GKN2: variants seen among roughly 807,000 people sequenced by gnomAD.
GKN2 encodes gastrokine 2.
A neutral mutation model predicts 22.7 loss-of-function variants in GKN2; 17 were observed. That is an observed-to-expected ratio of 0.75 (90% CI 0.51 to 1.13). The LOEUF is 1.13. Ranked by LOEUF, GKN2 falls within the 50% of genes most tolerant of loss-of-function variation. GKN2 has a pLI of 0.00. For missense variants in GKN2, 248 were observed against 221.4 expected (o/e 1.12, Z -0.76); for synonymous variants, 82 against 79.6 (o/e 1.03, Z -0.16).
At position 68,950,184 on chromosome 2, in the gene GKN2, G is replaced by C. The variant is rs1669834811; in HGVS notation, c.146C>G (p.Ala49Gly). The stretch of plus-strand genomic sequence containing the variant: ...TGATCCTGCATGGATGTTAATGATG[G>C]CGGTATTTTTTTCATTATCAATTGT... Reference protein sequence around the residue: ...TVTIDNEKNTAIINIHAGSCS... With the variant: ...TVTIDNEKNTGIINIHAGSCS... Residue 49 changes from alanine to glycine, a missense_variant, in exon 3 of 6, where the codon GCC becomes GGC. By Grantham distance (60) the Ala-to-Gly change is moderately conservative. Transcript: ENST00000328895. 1 of 1,613,762 alleles carries C rather than the reference G, an allele frequency of 6.2e-7. No individual in the cohort carries two copies. Among genetic ancestry groups the C allele is most frequent in the Non-Finnish European group, 8.5e-7 (1 of 1,179,694 alleles).
At chr2:68,948,116 G>T (rs1009129112) in intron 3 of GKN2, among the ~76,000 whole-genome samples, 7 of 151,628 alleles carry the variant, frequency 4.6e-5, no homozygotes, top group Non-Finnish European at 7.4e-5. Flanking sequence ...CGTGGTGGCG[G>T]GCACCTGTAG....
chr2:68,948,882 A>AT (rs554717217), intron 3 of GKN2, among the ~76,000 whole-genome samples: 75 of 151,530 alleles, frequency 4.9e-4, no homozygotes, highest in Middle Eastern at 6.8e-3. Context: ...TCACTTCTCC[A>AT]TTTTTTTTTA....
intron 3 of GKN2, among the ~76,000 whole-genome samples, chr2:68,947,550 C>T (rs1371037032): frequency 6.6e-6 from 1 of 152,094 alleles, no homozygotes; most frequent in Non-Finnish European, 1.5e-5. Flanking sequence ...TGAGAAGAAG[C>T]ACTACTCTGT....
At chr2:68,950,884 G>T in intron 1 of GKN2, 129 bp from the exon 2 acceptor site, 1 of 852,014 alleles carries the variant, frequency 1.2e-6, no homozygotes, top group African/African-American at 1.7e-5. Context: ...AGTGGCCACA[G>T]ATGGTCAGCA....
At chr2:68,946,557 T>A in intron 4 of GKN2, 97 bp from the exon 5 acceptor site, 4 of 1,044,942 alleles carry the variant, frequency 3.8e-6, no homozygotes, top group Non-Finnish European at 5.4e-6. Context: ...TTCAGATTAT[T>A]AAATAGAAAG....
At chr2:68,946,133 A>G (rs1669761255) in intron 5 of GKN2, 171 bp downstream of exon 5, 1 of 513,468 alleles carries the variant, frequency 1.9e-6, no homozygotes, top group East Asian at 3.1e-5. Flanking sequence ...TCATTTCTGT[A>G]TTCCTAAAAT....
chr2:68,952,761 A>G, intron 1 of GKN2, 89 bp downstream of exon 1: 1 of 1,373,754 alleles, frequency 7.3e-7, no homozygotes, highest in Non-Finnish European at 1.0e-6. Context: ...TATCTGTCTA[A>G]GACTCCCAAA....
chr2:68,950,687 A>G lies in GKN2; in HGVS notation c.66+15T>C. 1 of 1,612,376 alleles carries G rather than the reference A, an allele frequency of 6.2e-7. No individual in the cohort carries two copies. The highest frequency in any genetic ancestry group is 8.5e-7 in the Non-Finnish European group (1 of 1,178,388). The stretch of plus-strand genomic sequence containing the variant: ...AACATCTCTAAGAGATAAAGTCCAT[A>G]AGGAACCAACTCACCTCGTATCCAT... On this transcript the variant is annotated intron_variant, in intron 2 of 5. Transcript: ENST00000328895.
rs753909446 is a variant in GKN2, at chr2:68,950,713, G to A, written c.55C>T (p.His19Tyr). ...VVLTIFGIQS[H>Y]GYEVFNIISP... Reference sequence around the variant, plus strand: ...AGGAACCAACTCACCTCGTATCCATGAGATTGTATCCCAAAGATGGTCAGC... The same window carrying A: ...AGGAACCAACTCACCTCGTATCCATAAGATTGTATCCCAAAGATGGTCAGC... Residue 19 changes from histidine (H) to tyrosine (Y), a missense_variant, in exon 2 of 6, where the codon CAT (histidine) becomes TAT (tyrosine). His to Tyr is a moderately conservative substitution (Grantham distance 83). Transcript: ENST00000328895. 6.8e-6 allele frequency: 11 copies of A among 1,613,940 alleles called. No individual in the cohort carries two copies. The highest frequency in any genetic ancestry group is 2.7e-5 in the African/African-American group (2 of 74,902).
intron 3 of GKN2, among the ~76,000 whole-genome samples, chr2:68,947,985 C>G (rs1382811570): frequency 1.3e-5 from 2 of 151,850 alleles, no homozygotes; most frequent in African/African-American, 2.4e-5. Context: ...GTGGCTCACA[C>G]CTGTAATCCC....
chr2:68,950,806 T>G (rs1378363810), intron 1 of GKN2, 51 bp from the exon 2 acceptor site: 1 of 1,581,538 alleles, frequency 6.3e-7, no homozygotes, highest in Non-Finnish European at 8.7e-7. Context: ...TCATTGAGTG[T>G]GGGACAGGAG....
At chr2:68,949,415 ATTAT>A (rs925326263) in intron 3 of GKN2, among the ~76,000 whole-genome samples, 4 of 151,436 alleles carry the variant, frequency 2.6e-5, no homozygotes, top group Admixed American at 6.6e-5. Context: ...ATATTTTTTA[ATTAT>A]TTATTTATTT....
At chr2:68,948,123 G>C (rs1040509005) in intron 3 of GKN2, among the ~76,000 whole-genome samples, 1 of 151,716 alleles carries the variant, frequency 6.6e-6, no homozygotes, top group Non-Finnish European at 1.5e-5. Flanking sequence ...GCGGGCACCT[G>C]TAGTCCCAGC....
chr2:68,948,220 T>A (rs1669799606), intron 3 of GKN2, among the ~76,000 whole-genome samples: 1 of 133,742 alleles, frequency 7.5e-6, no homozygotes, highest in Non-Finnish European at 1.5e-5. Context: ...GACTCCAGCC[T>A]GGGTGACAGA....
Position 68,945,323 on chromosome 2 carries a change from A to G in GKN2, c.*45T>C, listed in dbSNP as rs2103886995. On this transcript the variant is annotated 3_prime_UTR_variant, in exon 6 of 6. Transcript: ENST00000328895. ...TTAATTTGACTTTTGAGTGTAAACC[A>G]AGGATGTATTTCTTTGAAAAGATAA... 1.5e-6 allele frequency: 2 copies of G among 1,369,884 alleles called. No individual in the cohort carries two copies. Among genetic ancestry groups the G allele is most frequent in the Non-Finnish European group, 1.0e-6 (1 of 986,236 alleles). 84.9% of individuals were successfully genotyped at this position (1,369,884 alleles called of 1,614,324 possible). A position where few individuals can be genotyped will look rare whatever the true frequency, so the allele number is the denominator to read the frequency against.
chr2:68,946,274 T>C, intron 5 of GKN2, 30 bp downstream of exon 5: 2 of 1,570,420 alleles, frequency 1.3e-6, no homozygotes, highest in Non-Finnish European at 1.7e-6. Flanking sequence ...CAGAAAATAT[T>C]TGGTGAGTGA....
chr2:68,946,211 T>C, intron 5 of GKN2, 93 bp downstream of exon 5: 1 of 1,082,774 alleles, frequency 9.2e-7, no homozygotes, highest in African/African-American at 1.6e-5. Context: ...ACTGTTCCCA[T>C]TTATTTGCAT....
At chr2:68,952,362 G>A (rs754370129) in intron 1 of GKN2, among the ~76,000 whole-genome samples, 7 of 152,104 alleles carry the variant, frequency 4.6e-5, no homozygotes, top group South Asian at 2.1e-4. Flanking sequence ...TCTGTAAAAC[G>A]GGGAGAATAC....
chr2:68,951,054 G>A (rs998978196), intron 1 of GKN2, among the ~76,000 whole-genome samples: 1 of 152,070 alleles, frequency 6.6e-6, no homozygotes, highest in Non-Finnish European at 1.5e-5. Flanking sequence ...GAAACCCGGG[G>A]CAGATGAGCA....
Sources: allele counts gnomAD v4.1 joint callset (sites outside exome capture counted in the v4.1 genomes callset), GRCh38; gene constraint gnomAD v4.1.1; transcripts MANE v1.5; gene names NCBI Gene and HGNC (gene_info 2026-07-23, HGNC 2026-07-21).